LAMB1: variants seen among roughly 807,000 people sequenced by gnomAD.
The protein encoded by LAMB1 is laminin subunit beta-1.
Under a neutral mutation model 222.3 loss-of-function variants are expected in LAMB1, and 121 were observed. That is an observed-to-expected ratio of 0.54 (90% confidence interval 0.47 to 0.63). The LOEUF (loss-of-function observed/expected upper bound fraction) is 0.63, where lower values mean the gene tolerates loss of function less well. Ranked by LOEUF, LAMB1 falls within the 30% of genes least tolerant of loss-of-function variation. The probability of loss-of-function intolerance (pLI) is 0.00; values close to 1 mark genes in which losing one functional copy is unlikely to be tolerated. For synonymous variants in LAMB1, 794 were observed against 807.2 expected (o/e 0.98, Z 0.28); for missense variants, 2,172 against 2,240.8 (o/e 0.97, Z 0.62).
chr7:107,976,850 C>T, intron 9 of LAMB1, among the ~76,000 whole-genome samples: 2 of 129,350 alleles, frequency 1.5e-5, no homozygotes, highest in African/African-American at 3.0e-5. Flanking sequence ...TCCTTCCTTC[C>T]TTTCCTCTCC....
At chr7:108,001,870 G>A (rs1298240960) in intron 2 of LAMB1, 137 bp from the exon 3 acceptor site, 17 of 1,491,342 alleles carry the variant, frequency 1.1e-5, no homozygotes, top group Non-Finnish European at 1.5e-5. Context: ...GCACAGAAAA[G>A]ACAATGGAGA....
chr7:107,938,888 G>T (rs1439150919), intron 25 of LAMB1, among the ~76,000 whole-genome samples: 1 of 152,154 alleles, frequency 6.6e-6, no homozygotes, highest in Admixed American at 6.5e-5. Context: ...TTTAAATCTA[G>T]GTCTAGGAAG....
chr7:107,958,012 A>G (rs1230042703), intron 20 of LAMB1, among the ~76,000 whole-genome samples: 2 of 152,166 alleles, frequency 1.3e-5, no homozygotes, highest in African/African-American at 4.8e-5. Flanking sequence ...CTACAGTGTG[A>G]GTGCTGATTC....
chr7:107,980,320 C>T (rs2033947396), intron 8 of LAMB1, among the ~76,000 whole-genome samples: 1 of 152,056 alleles, frequency 6.6e-6, no homozygotes, highest in South Asian at 2.1e-4. Flanking sequence ...GTTATTTAGA[C>T]AACTTTTTAA....
chr7:107,971,111 A>G (rs1255729339), intron 13 of LAMB1, among the ~76,000 whole-genome samples: 1 of 152,350 alleles, frequency 6.6e-6, no homozygotes, highest in East Asian at 1.9e-4. Flanking sequence ...GTACTACCAA[A>G]AATCCATTTA....
intron 4 of LAMB1, 81 bp downstream of exon 4, chr7:107,998,276 T>C: frequency 7.1e-7 from 1 of 1,418,022 alleles, no homozygotes; most frequent in Non-Finnish European, 9.8e-7. Context: ...GAATCATAAT[T>C]ACAAACACCC....
At chr7:107,963,118 T>A in intron 14 of LAMB1, 55 bp from the exon 15 acceptor site, 1 of 1,470,480 alleles carries the variant, frequency 6.8e-7, no homozygotes, top group South Asian at 1.4e-5. Flanking sequence ...TTCAATAATT[T>A]TCAATAGTCA....
intron 24 of LAMB1, 134 bp from the exon 25 acceptor site, chr7:107,940,492 A>T: frequency 2.2e-6 from 2 of 905,220 alleles, no homozygotes; most frequent in Non-Finnish European, 3.3e-6. Context: ...CCAATGGCTC[A>T]GGTAGAGACT....
chr7:107,923,852 C>T lies in LAMB1; in HGVS notation c.*99G>A. ...ACTCCATACAAAATGTGATTAAAAA[C>T]ATTAAATAGGTGATGTTTTATTTTG... On this transcript the variant is annotated 3_prime_UTR_variant, in exon 34 of 34. Transcript: ENST00000222399. 2.7e-6 allele frequency: 3 copies of T among 1,122,868 alleles called. No individual in the cohort carries two copies. Among genetic ancestry groups the T allele is most frequent in the Non-Finnish European group, 3.8e-6 (3 of 786,074 alleles). The allele number at this position is 1,122,868 out of a possible 1,614,324, so 69.6% of individuals were successfully genotyped here.
chr7:107,990,982 C>T lies in LAMB1; in HGVS notation c.423+3905G>A, dbSNP rs372720203. Among the ~76,000 whole-genome samples the T allele has an allele frequency of 4.6e-4, 70 of 152,300 alleles. 2 individuals are homozygous for T. In the East Asian group the frequency reaches 0.012, roughly 26 times the overall value. On this transcript the variant is annotated intron_variant, in intron 5 of 33. Transcript: ENST00000222399. ...AGCCTCCCAACATGCCCTTTATTCT[C>T]GCCATCCCAGTCCTTGCTTTGTATT... is the stretch of plus-strand genomic sequence containing the variant.
chr7:107,923,977 C>CAG lies in LAMB1; in HGVS notation c.5334_5335insCT (p.Val1779LeufsTer14). The CAG allele has an allele frequency of 6.2e-7, 1 of 1,609,748 alleles. No homozygotes were observed. The highest frequency in any genetic ancestry group is 8.5e-7 in the Non-Finnish European group (1 of 1,178,922). ...TACAAGCATGTGCTATACACAGCAA[C>CAG]TTTCTGGCTTATATCCTTTAGGAGT... On this transcript the variant is annotated frameshift_variant, in exon 34 of 34. Transcript: ENST00000222399. LOFTEE classifies it high-confidence loss of function.
intron 14 of LAMB1, among the ~76,000 whole-genome samples, chr7:107,963,783 T>C (rs1203194139): frequency 6.6e-6 from 1 of 152,228 alleles, no homozygotes; most frequent in Non-Finnish European, 1.5e-5. Flanking sequence ...TTCCTCTTTT[T>C]GGAAGCTGGA....
chr7:107,941,169 C>T (rs2032973000), intron 24 of LAMB1, among the ~76,000 whole-genome samples: 1 of 152,298 alleles, frequency 6.6e-6, no homozygotes, highest in East Asian at 1.9e-4. Flanking sequence ...AATCACGTGC[C>T]GTACAGGACA....
chr7:107,934,549 C>T (rs1437488126), intron 27 of LAMB1, among the ~76,000 whole-genome samples: 2 of 152,130 alleles, frequency 1.3e-5, no homozygotes, highest in African/African-American at 4.8e-5. Context: ...CATTTGGCTC[C>T]AGAGTTCCTT....
intron 29 of LAMB1, among the ~76,000 whole-genome samples, chr7:107,930,845 A>G (rs560153464): frequency 6.6e-6 from 1 of 152,346 alleles, no homozygotes; most frequent in East Asian, 1.9e-4. Flanking sequence ...GCTACTGGAT[A>G]TCTTATTAAG....
chr7:108,002,903 A>T lies in LAMB1; in HGVS notation c.-18T>A. 1 of 1,613,604 alleles carries T rather than the reference A, an allele frequency of 6.2e-7. No individual in the cohort carries two copies. The highest frequency in any genetic ancestry group is 8.5e-7 in the Non-Finnish European group (1 of 1,179,918). ...AGCCCCATGCCGGCTCCCTGCAGCC[A>T]CGGGGACGCGGCAGAGGAGTGGAGA... On this transcript the variant is annotated 5_prime_UTR_variant, in exon 2 of 34. Transcript: ENST00000222399.
rs371384158 is a variant in LAMB1, at chr7:107,975,323, C to T, written c.1280G>A (p.Arg427Gln). 17 of 1,613,674 alleles carry T rather than the reference C, an allele frequency of 1.1e-5. No homozygotes were observed. Among genetic ancestry groups the T allele is most frequent in the African/African-American group, 8.0e-5 (6 of 74,882 alleles). The change falls in exon 11 of 34, where the codon CGG (arginine) becomes CAG (glutamine). Residue 427 changes from arginine (R) to glutamine (Q), a missense_variant. Physicochemically the swap from Arg to Gln is conservative, Grantham distance 43 (BLOSUM62 1). Coordinates refer to ENST00000222399, the MANE Select transcript of LAMB1 (RefSeq NM_002291.3). ...TTCTCCTTCCACATTTAATTTACAC[C>T]GACACTGGCCAGCAATGAGACCAGT... ...FSTGLIAGQC[R>Q]CKLNVEGEHC...
chr7:107,975,082 A>G lies in LAMB1; in HGVS notation c.1386T>C (p.Pro462=), dbSNP rs2033824236. 1 of 1,610,214 alleles carries G rather than the reference A, an allele frequency of 6.2e-7. No homozygotes were observed. The highest frequency in any genetic ancestry group is 1.3e-5 in the African/African-American group (1 of 74,828). ...PFGCKSCACN[P]LGTIPGGNPC... ...GATTCCCTCCAGGAATTGTTCCCAG[A>G]GGATTGCAAGCACAAGCTGTATTAA... The change falls in exon 12 of 34, where the codon CCT becomes CCC. Residue 462 remains proline (P), a synonymous_variant. Transcript: ENST00000222399.
intron 24 of LAMB1, among the ~76,000 whole-genome samples, chr7:107,940,718 A>C (rs1304529650): frequency 6.6e-6 from 1 of 152,204 alleles, no homozygotes; most frequent in Non-Finnish European, 1.5e-5. Context: ...ACTGCAAGGA[A>C]AAGGCCACGC....
Sources: gnomAD v4.1 joint callset for allele counts (sites outside exome capture counted in the v4.1 genomes callset) on GRCh38, gnomAD v4.1.1 for gene constraint, MANE v1.5 for transcripts, NCBI Gene and HGNC (gene_info 2026-07-23, HGNC 2026-07-21) for gene names.